SMARCC1: variants seen among roughly 807,000 people sequenced by gnomAD.
SMARCC1 encodes SWI/SNF complex subunit SMARCC1.
In SMARCC1, 43 loss-of-function variants were observed where a neutral mutation model predicts 147.4. The observed-to-expected ratio is 0.29, with a 90% confidence interval of 0.23 to 0.38. The LOEUF (loss-of-function observed/expected upper bound fraction) is 0.38. Among genes scored for constraint, SMARCC1 ranks in the 10% least tolerant of loss-of-function variants. The probability of loss-of-function intolerance (pLI) is 1.00; values close to 1 mark genes in which losing one functional copy is unlikely to be tolerated. For synonymous variants in SMARCC1, 495 were observed against 484.4 expected (o/e 1.02, Z -0.29); for missense variants, 1,119 against 1,381.1 (o/e 0.81, Z 3.01).
intron 1 of SMARCC1, among the ~76,000 whole-genome samples, chr3:47,776,905 C>G (rs1316532999): frequency 1.3e-5 from 2 of 151,730 alleles, no homozygotes; most frequent in Non-Finnish European, 2.9e-5. Flanking sequence ...CTACCGAGTA[C>G]CTGGGATTAC....
At chr3:47,755,173 T>C (rs2034680838) in intron 2 of SMARCC1, among the ~76,000 whole-genome samples, 1 of 152,090 alleles carries the variant, frequency 6.6e-6, no homozygotes, top group African/African-American at 2.4e-5. Flanking sequence ...ATCGCACCAC[T>C]GCACTTCAGT....
chr3:47,665,986 T>C (rs2033415784), intron 19 of SMARCC1, among the ~76,000 whole-genome samples: 1 of 152,184 alleles, frequency 6.6e-6, no homozygotes, highest in Non-Finnish European at 1.5e-5. Flanking sequence ...AATTTCATCC[T>C]TCTCCACGCT....
chr3:47,644,387 C>T (rs6442073), intron 21 of SMARCC1, among the ~76,000 whole-genome samples: 145,929 of 152,264 alleles, frequency 0.96, 70,241 homozygotes, highest in East Asian at 1. Context: ...TCCCAGGTAC[C>T]TGGGAGGCTG....
At chr3:47,628,343 C>G (rs1316486935) in intron 24 of SMARCC1, among the ~76,000 whole-genome samples, 1 of 152,120 alleles carries the variant, frequency 6.6e-6, no homozygotes, top group East Asian at 1.9e-4. Context: ...TCTGTGTCAC[C>G]TCTACAAGTT....
At chr3:47,618,131 C>T (rs1009459696) in intron 25 of SMARCC1, among the ~76,000 whole-genome samples, 3 of 152,012 alleles carry the variant, frequency 2.0e-5, no homozygotes, top group East Asian at 1.9e-4. Flanking sequence ...AGCAGAGCAG[C>T]GTTGTGTATT....
chr3:47,667,706 G>T (rs1023242690), intron 19 of SMARCC1, among the ~76,000 whole-genome samples: 2 of 152,078 alleles, frequency 1.3e-5, no homozygotes, highest in East Asian at 3.9e-4. Flanking sequence ...GTGAAACCCC[G>T]TGTCTTCTGA....
At chr3:47,676,862 A>AACAGAAAC (rs1156730939) in intron 16 of SMARCC1, 80 bp from the exon 17 acceptor site, 1 of 1,252,062 alleles carries the variant, frequency 8.0e-7, no homozygotes, top group Non-Finnish European at 1.1e-6. Context: ...GCCATTAAAA[A>AACAGAAAC]ACAGAAACAA....
intron 25 of SMARCC1, among the ~76,000 whole-genome samples, chr3:47,621,860 TAG>T (rs1359170455): frequency 1.3e-5 from 2 of 150,494 alleles, no homozygotes; most frequent in Non-Finnish European, 3.0e-5. Flanking sequence ...ACTCAGATAA[TAG>T]AGTTATACAG....
chr3:47,597,521 T>C (rs1398289658), intron 26 of SMARCC1, among the ~76,000 whole-genome samples: 1 of 151,952 alleles, frequency 6.6e-6, no homozygotes, highest in Non-Finnish European at 1.5e-5. Flanking sequence ...AGAGATGGGG[T>C]TTCACCATGT....
chr3:47,608,872 A>AC (rs2032521559), intron 26 of SMARCC1, among the ~76,000 whole-genome samples: 1 of 151,010 alleles, frequency 6.6e-6, no homozygotes, highest in Admixed American at 6.6e-5. Flanking sequence ...AAAAAAAAAA[A>AC]AAGTGTGAAT....
rs553585158 is a variant in SMARCC1, at chr3:47,723,949, C to T, written c.647-3214G>A. Among the ~76,000 whole-genome samples, 5 of 152,096 alleles carry T rather than the reference C, an allele frequency of 3.3e-5. No homozygotes were observed. The South Asian group carries it at 1.0e-3, about 32-fold the overall frequency. On this transcript the variant is annotated intron_variant, in intron 6 of 27. Transcript: ENST00000254480. Reference sequence around the variant, plus strand: ...CACTAATCATCAAGACAATGAAAATCAAAACAATGATATATCAGCTTTTTA... The same window carrying T: ...CACTAATCATCAAGACAATGAAAATTAAAACAATGATATATCAGCTTTTTA...
At chr3:47,700,106 A>T (rs1470022779) in intron 11 of SMARCC1, among the ~76,000 whole-genome samples, 1 of 152,056 alleles carries the variant, frequency 6.6e-6, no homozygotes, top group African/African-American at 2.4e-5. Context: ...GTTTTGAAGA[A>T]CTGTAATTCA....
chr3:47,625,669 G>T (rs9829901), intron 24 of SMARCC1, among the ~76,000 whole-genome samples: 3 of 152,226 alleles, frequency 2.0e-5, no homozygotes, highest in African/African-American at 7.2e-5. Context: ...ATACCACCCA[G>T]AAAAATTAAC....
chr3:47,710,696 G>A lies in SMARCC1; in HGVS notation c.905C>T (p.Thr302Ile). The A allele has an allele frequency of 6.2e-7, 1 of 1,613,536 alleles. No individual in the cohort carries two copies. The highest frequency in any genetic ancestry group is 1.1e-5 in the South Asian group (1 of 90,936). Residue 302 changes from threonine (T) to isoleucine (I), a missense_variant, in exon 9 of 28, where the codon ACC becomes ATC. By Grantham distance (89) the Thr-to-Ile change is moderately conservative (BLOSUM62 -1). Coordinates refer to ENST00000254480, the MANE Select transcript of SMARCC1 (RefSeq NM_003074.4). The part of the protein sequence containing the change: ...KPVSFRQRIS[T>I]KNEEPVRSPE... ...CAAAGAAAATACCTCTTCATTCTTG[G>A]TTGAAATCCGCTGACGAAAACTCAC... is the stretch of plus-strand genomic sequence containing the variant.
chr3:47,689,986 T>C (rs762396820), intron 12 of SMARCC1, among the ~76,000 whole-genome samples: 2 of 152,242 alleles, frequency 1.3e-5, no homozygotes, highest in Non-Finnish European at 2.9e-5. Flanking sequence ...AGTTACATTA[T>C]TATATGCCTG....
chr3:47,602,578 G>GT (rs2032405963), intron 26 of SMARCC1, among the ~76,000 whole-genome samples: 1 of 152,172 alleles, frequency 6.6e-6, no homozygotes, highest in Non-Finnish European at 1.5e-5. Context: ...GATTACAGGC[G>GT]TAAGCCATCA....
At chr3:47,624,388 A>T (rs1275373800) in intron 24 of SMARCC1, among the ~76,000 whole-genome samples, 1 of 152,212 alleles carries the variant, frequency 6.6e-6, no homozygotes, top group Non-Finnish European at 1.5e-5. Flanking sequence ...AACACAAGAC[A>T]TAGAAAATCC....
intron 8 of SMARCC1, among the ~76,000 whole-genome samples, chr3:47,713,093 C>A (rs1259406787): frequency 6.6e-6 from 1 of 152,024 alleles, no homozygotes. Flanking sequence ...GAGGTCCAGG[C>A]GGGCAGATCA....
chr3:47,725,457 T>C (rs2034287136), intron 6 of SMARCC1, among the ~76,000 whole-genome samples: 1 of 151,978 alleles, frequency 6.6e-6, no homozygotes, highest in Non-Finnish European at 1.5e-5. Flanking sequence ...ATTATATATA[T>C]ATATTTTTTT....
Sources: allele counts gnomAD v4.1 joint callset (sites outside exome capture counted in the v4.1 genomes callset), GRCh38; gene constraint gnomAD v4.1.1; transcripts MANE v1.5; gene names NCBI Gene and HGNC (gene_info 2026-07-23, HGNC 2026-07-21).